Variants in PAXIP1 observed in about 807,000 individuals in gnomAD.
The protein encoded by PAXIP1 is PAX-interacting protein 1.
PAXIP1 carries 19 observed loss-of-function variants against 140.6 expected under a neutral mutation model. The observed-to-expected ratio is 0.14, with a 90% confidence interval of 0.09 to 0.20. The LOEUF (loss-of-function observed/expected upper bound fraction) is 0.20, where lower values mean the gene tolerates loss of function less well. PAXIP1 is among the 10% of genes least tolerant of loss of function. The probability of loss-of-function intolerance (pLI) is 1.00; values close to 1 mark genes in which losing one functional copy is unlikely to be tolerated. For missense variants in PAXIP1, 920 were observed against 1,208.6 expected (o/e 0.76, Z 3.54); for synonymous variants, 442 against 444.6 (o/e 0.99, Z 0.07).
At chr7:154,991,488 C>T (rs888312004) in intron 3 of PAXIP1, among the ~76,000 whole-genome samples, 2 of 152,184 alleles carry the variant, frequency 1.3e-5, no homozygotes, top group Admixed American at 1.3e-4. Context: ...TGACTGCTTC[C>T]ACTGCACAGT....
intron 6 of PAXIP1, among the ~76,000 whole-genome samples, chr7:154,971,754 A>G (rs1045294514): frequency 2.6e-5 from 4 of 152,258 alleles, no homozygotes; most frequent in Admixed American, 2.6e-4. Flanking sequence ...GATACACATC[A>G]CATGGCTTCT....
intron 5 of PAXIP1, among the ~76,000 whole-genome samples, chr7:154,977,276 A>C (rs1049734480): frequency 6.6e-6 from 1 of 152,264 alleles, no homozygotes; most frequent in Non-Finnish European, 1.5e-5. Context: ...TAACCTTAAA[A>C]TAAATGAGTT....
chr7:154,968,357 G>T, intron 7 of PAXIP1, 46 bp downstream of exon 7: 1 of 1,463,070 alleles, frequency 6.8e-7, no homozygotes, highest in Non-Finnish European at 9.2e-7. Flanking sequence ...CATTTATGTG[G>T]GTACAAGACT....
intron 4 of PAXIP1, among the ~76,000 whole-genome samples, chr7:154,985,703 G>A (rs535833983): frequency 6.6e-6 from 1 of 152,160 alleles, no homozygotes; most frequent in African/African-American, 2.4e-5. Context: ...AACCAATCAG[G>A]AACACTCTCC....
At chr7:154,990,031 G>A (rs551568894) in intron 4 of PAXIP1, among the ~76,000 whole-genome samples, 1 of 135,046 alleles carries the variant, frequency 7.4e-6, no homozygotes, top group East Asian at 2.3e-4. Context: ...CTTGGGATAA[G>A]TTTCTCTTTT....
intron 1 of PAXIP1, chr7:155,000,922 T>A (rs1280265537): frequency 1.3e-5 from 2 of 152,186 alleles, no homozygotes; most frequent in Non-Finnish European, 2.9e-5. Flanking sequence ...TGGTGTCTAC[T>A]TTGCACCCCA....
intron 5 of PAXIP1, among the ~76,000 whole-genome samples, chr7:154,978,410 A>G (rs777542313): frequency 1.4e-4 from 21 of 152,244 alleles, no homozygotes; most frequent in Non-Finnish European, 2.8e-4. Context: ...GGCTATTCCA[A>G]TTACACTTCC....
intron 10 of PAXIP1, among the ~76,000 whole-genome samples, chr7:154,962,068 T>G (rs1167097958): frequency 1.3e-5 from 2 of 152,250 alleles, no homozygotes; most frequent in African/African-American, 4.8e-5. Flanking sequence ...TGATTTATTT[T>G]TGGATTTTAA....
chr7:154,944,118 G>A lies in PAXIP1; in HGVS notation c.*31C>T. On this transcript the variant is annotated 3_prime_UTR_variant, in exon 21 of 21. Coordinates refer to ENST00000404141, the MANE Select transcript of PAXIP1 (RefSeq NM_007349.4). ...GCCAGACAGCCAGCCCCGCACCGCA[G>A]GAGTCGACATGCACGGCAGCCTAGA... 6.2e-7 allele frequency: 1 copy of A among 1,611,516 alleles called. No homozygotes were observed. The highest frequency in any genetic ancestry group is 8.5e-7 in the Non-Finnish European group (1 of 1,178,506).
At chr7:154,984,920 A>C (rs1810002224) in intron 4 of PAXIP1, among the ~76,000 whole-genome samples, 1 of 152,186 alleles carries the variant, frequency 6.6e-6, no homozygotes, top group African/African-American at 2.4e-5. Flanking sequence ...ACAGGCGTAG[A>C]CCTCAACAGG....
At chr7:154,955,920 T>A (rs1251426022) in intron 14 of PAXIP1, among the ~76,000 whole-genome samples, 3 of 152,242 alleles carry the variant, frequency 2.0e-5, no homozygotes. Flanking sequence ...TTAATTTTTT[T>A]AATTGGCTTT....
chr7:154,984,444 T>C (rs1367098236), intron 4 of PAXIP1, among the ~76,000 whole-genome samples: 1 of 152,238 alleles, frequency 6.6e-6, no homozygotes, highest in Non-Finnish European at 1.5e-5. Context: ...GATAATAGCA[T>C]GTTAATCTCT....
At chr7:154,997,378 A>G (rs964987579) in intron 2 of PAXIP1, among the ~76,000 whole-genome samples, 1 of 152,122 alleles carries the variant, frequency 6.6e-6, no homozygotes, top group Non-Finnish European at 1.5e-5. Context: ...TCAGCCTCCT[A>G]AGTAGCTGGG....
At position 154,946,806 on chromosome 7, in the gene PAXIP1, T is replaced by C; in HGVS notation, c.2930A>G (p.Tyr977Cys). The change falls in exon 18 of 21, where the codon TAT becomes TGT. Residue 977 changes from tyrosine (Y) to cysteine (C), a missense_variant. Tyr to Cys is a radical substitution (Grantham distance 194). Coordinates refer to ENST00000404141, the MANE Select transcript of PAXIP1 (RefSeq NM_007349.4). The surrounding 1 kb of genome is among the most constrained non-coding windows in gnomAD (Gnocchi z 4.9). ...GCAGATTCCAGGTGTGATGTAAAAA[T>C]ATTTTGCCTAAAATTAAATGAAAAT... is the stretch of plus-strand genomic sequence containing the variant. The part of the protein sequence containing the change: ...AHVSPLFKAK[Y>C]FYITPGICPS... The C allele has an allele frequency of 6.3e-7, 1 of 1,589,514 alleles. No homozygotes were observed. The highest frequency in any genetic ancestry group is 8.6e-7 in the Non-Finnish European group (1 of 1,165,810).
chr7:154,996,594 G>A (rs1254402289), intron 2 of PAXIP1, among the ~76,000 whole-genome samples: 3 of 152,156 alleles, frequency 2.0e-5, no homozygotes, highest in East Asian at 3.9e-4. Context: ...TCACCTCACA[G>A]CGGCGACCCC....
At chr7:154,984,621 C>T (rs1202894527) in intron 4 of PAXIP1, among the ~76,000 whole-genome samples, 1 of 152,154 alleles carries the variant, frequency 6.6e-6, no homozygotes, top group African/African-American at 2.4e-5. Flanking sequence ...TATTTTATAA[C>T]TTGTTAATTT....
rs183425987 is a variant in PAXIP1 at position 154,978,657 on chromosome 7, C to T, written c.439-2326G>A. Among the ~76,000 whole-genome samples the T allele has an allele frequency of 1.2e-4, 18 of 151,934 alleles. No homozygotes were observed. The East Asian group carries it at 3.3e-3, about 28-fold the overall frequency. ...GGTACACAGCAGAATATTTATGAACCAATTAATACAAAAATATCATCTGCT... is the reference window on the plus strand; with the variant it reads ...GGTACACAGCAGAATATTTATGAACTAATTAATACAAAAATATCATCTGCT... On this transcript the variant is annotated intron_variant, in intron 5 of 20. Transcript: ENST00000404141.
intron 4 of PAXIP1, among the ~76,000 whole-genome samples, chr7:154,988,897 A>G (rs939151014): frequency 7.9e-5 from 12 of 152,232 alleles, no homozygotes; most frequent in African/African-American, 2.7e-4. Flanking sequence ...AACTTTTCTG[A>G]TAAGTTGATT....
Position 154,986,229 on chromosome 7 carries a change from T to C in PAXIP1, c.325-2897A>G, listed in dbSNP as rs1810063124. ...ACTGAGAACCACCAAGAAACAGTCC[T>C]TTTGTAAAGCTGGGGTCCTGCCTGG... On this transcript the variant is annotated intron_variant, in intron 4 of 20. Coordinates refer to ENST00000404141, the MANE Select transcript of PAXIP1 (RefSeq NM_007349.4). This position sits in a 1 kb window ranked among gnomAD's most constrained non-coding sequence, Gnocchi z 4.8. 2 of 1,300,004 alleles carry C rather than the reference T, an allele frequency of 1.5e-6. No individual in the cohort carries two copies. The highest frequency in any genetic ancestry group is 1.0e-6 in the Non-Finnish European group (1 of 988,160). The allele number at this position is 1,300,004 out of a possible 1,614,324, so 80.5% of individuals were successfully genotyped here.
Sources: allele counts gnomAD v4.1 joint callset (sites outside exome capture counted in the v4.1 genomes callset), GRCh38; gene constraint gnomAD v4.1.1; non-coding constraint Gnocchi (gnomAD v3.1); transcripts MANE v1.5; gene names NCBI Gene and HGNC (gene_info 2026-07-23, HGNC 2026-07-21).